KPNA7: variants seen among roughly 807,000 people sequenced by gnomAD.
KPNA7 encodes the protein importin subunit alpha-8.
A neutral mutation model predicts 53.7 loss-of-function variants in KPNA7; 54 were observed. That is an observed-to-expected ratio of 1.01 (90% CI 0.81 to 1.26). The LOEUF (loss-of-function observed/expected upper bound fraction) is 1.26. Among genes scored for constraint, KPNA7 ranks in the 50% most tolerant of loss-of-function variants. The probability of loss-of-function intolerance (pLI) is 0.00; values close to 1 mark genes in which losing one functional copy is unlikely to be tolerated. For missense variants in KPNA7, 640 were observed against 644.5 expected (o/e 0.99, Z 0.07); for synonymous variants, 276 against 259.3 (o/e 1.06, Z -0.62).
downstream of KPNA7, among the ~76,000 whole-genome samples, chr7:99,173,338 T>A (rs1798806722): frequency 6.6e-6 from 1 of 152,028 alleles, no homozygotes. Context: ...ATTACAGGCA[T>A]GCGTCACCAT....
chr7:99,207,598 G>A (rs1790881142), intron 1 of KPNA7, 109 bp from the exon 2 acceptor site: 3 of 282,454 alleles, frequency 1.1e-5, no homozygotes, highest in East Asian at 2.5e-4. Context: ...GCAAAGGGCA[G>A]ACCCAGGAAG....
chr7:99,194,083 C>T lies in KPNA7; in HGVS notation c.554-982G>A, dbSNP rs561355658. ...ATCATACTGTTTCTGCTGACTCAGT[C>T]ACGGGAGTTATTGCTTCTCTGAACT... On this transcript the variant is annotated intron_variant, in intron 5 of 10. Transcript: ENST00000327442. Among the ~76,000 whole-genome samples, 6 of 152,276 alleles carry T rather than the reference C, an allele frequency of 3.9e-5. No homozygotes were observed. The East Asian group carries it at 1.2e-3, about 29-fold the overall frequency.
At chr7:99,214,280 A>C (rs1420968185) in intron 1 of KPNA7, among the ~76,000 whole-genome samples, 3 of 130,284 alleles carry the variant, frequency 2.3e-5, no homozygotes, top group East Asian at 2.1e-4. Context: ...AAAATATACA[A>C]AAAAAAAAAA....
chr7:99,172,532 T>G (rs548719934), downstream of KPNA7, among the ~76,000 whole-genome samples: 4 of 152,252 alleles, frequency 2.6e-5, no homozygotes, highest in Non-Finnish European at 5.9e-5. Flanking sequence ...CTGACCATAG[T>G]AAGACCCCAT....
At chr7:99,156,099 T>C in the KPNA7 span, among the ~76,000 whole-genome samples, 1 of 152,220 alleles carries the variant, frequency 6.6e-6, no homozygotes, top group Non-Finnish European at 1.5e-5. Flanking sequence ...GGTTTCATCA[T>C]TTCTTGTATA....
At chr7:99,207,794 C>A (rs1444646735) in intron 1 of KPNA7, among the ~76,000 whole-genome samples, 3 of 151,604 alleles carry the variant, frequency 2.0e-5, no homozygotes, top group Admixed American at 2.0e-4. Context: ...TGCCACCACG[C>A]CCGGCTAATT....
At chr7:99,167,995 A>T in the KPNA7 span, among the ~76,000 whole-genome samples, 1 of 54,968 alleles carries the variant, frequency 1.8e-5, no homozygotes, top group African/African-American at 6.7e-5. Context: ...CCACCCCCAC[A>T]CCCCTCTATC....
At chr7:99,217,602 C>T (rs977876610) in intron 1 of KPNA7, among the ~76,000 whole-genome samples, 6 of 134,096 alleles carry the variant, frequency 4.5e-5, no homozygotes, top group East Asian at 2.1e-4. Context: ...GGCCCAGGAA[C>T]GGGGACTCCA....
In KPNA7 at chr7:99,173,770, G is replaced by A; in HGVS notation, c.1489C>T (p.Leu497=). The A allele has an allele frequency of 1.3e-6, 2 of 1,551,068 alleles. No homozygotes were observed. Among genetic ancestry groups the A allele is most frequent in the Non-Finnish European group, 1.7e-6 (2 of 1,146,202 alleles). ...GEEEDESQTL[L]SQVIDQDYEF... ...TAATCTTGGTCTATGACTTGGCTCA[G>A]TAAAGTTTGGCTCTCATCTTCTTCC... The change falls in exon 11 of 11, where the codon CTG becomes TTG. Residue 497 remains leucine (L), a synonymous_variant. Transcript: ENST00000327442.
the KPNA7 span, among the ~76,000 whole-genome samples, chr7:99,147,378 G>A: frequency 6.6e-6 from 1 of 152,198 alleles, no homozygotes; most frequent in African/African-American, 2.4e-5. Context: ...GGGCATTATA[G>A]ATAGAAGGAA....
intron 2 of KPNA7, among the ~76,000 whole-genome samples, chr7:99,204,323 G>C (rs574183780): frequency 1.3e-5 from 2 of 151,904 alleles, no homozygotes; most frequent in Non-Finnish European, 2.9e-5. Context: ...AGTGAGCTAC[G>C]ATTGTACCAC....
At chr7:99,219,067 C>T (rs1284281219) in intron 1 of KPNA7, among the ~76,000 whole-genome samples, 3 of 152,240 alleles carry the variant, frequency 2.0e-5, no homozygotes, top group Non-Finnish European at 2.9e-5. Flanking sequence ...TCTACCCCCA[C>T]GCCGATGGTT....
At chr7:99,203,868 A>T (rs912976866) in intron 2 of KPNA7, among the ~76,000 whole-genome samples, 1 of 151,748 alleles carries the variant, frequency 6.6e-6, no homozygotes, top group Non-Finnish European at 1.5e-5. Flanking sequence ...GTGTCACCAC[A>T]CTCGGCTATG....
downstream of KPNA7, among the ~76,000 whole-genome samples, chr7:99,172,416 T>C (rs564002563): frequency 4.6e-5 from 7 of 152,274 alleles, no homozygotes; most frequent in South Asian, 1.5e-3. Context: ...AAAGTCATGG[T>C]TCAAAAATAA....
chr7:99,153,566 G>T, the KPNA7 span, among the ~76,000 whole-genome samples: 1 of 140,114 alleles, frequency 7.1e-6, no homozygotes, highest in Non-Finnish European at 1.6e-5. Context: ...AAAAAAAAAA[G>T]ATCGTTCTTG....
chr7:99,156,430 A>C, the KPNA7 span, among the ~76,000 whole-genome samples: 2 of 152,030 alleles, frequency 1.3e-5, no homozygotes, highest in South Asian at 4.1e-4. Context: ...CTGAAATTTC[A>C]CCGCATTGAA....
the KPNA7 span, among the ~76,000 whole-genome samples, chr7:99,150,605 G>A: frequency 6.6e-6 from 1 of 151,342 alleles, no homozygotes; most frequent in African/African-American, 2.4e-5. Flanking sequence ...TAGTAGAGAT[G>A]GGTTTTCTCC....
intron 10 of KPNA7, 100 bp from the exon 11 acceptor site, chr7:99,173,894 A>G (rs1369983356): frequency 1.4e-6 from 1 of 703,442 alleles, no homozygotes; most frequent in Admixed American, 2.5e-5. Flanking sequence ...GACCCTCTTA[A>G]CCATGTTTAA....
At chr7:99,189,983 G>A (rs1262926685) in intron 6 of KPNA7, among the ~76,000 whole-genome samples, 1 of 152,072 alleles carries the variant, frequency 6.6e-6, no homozygotes, top group East Asian at 1.9e-4. Context: ...CACAGCAGCT[G>A]CTTCTTGGTC....
Sources: gnomAD v4.1 joint callset for allele counts (sites outside exome capture counted in the v4.1 genomes callset) on GRCh38, gnomAD v4.1.1 for gene constraint, MANE v1.5 for transcripts, NCBI Gene and HGNC (gene_info 2026-07-23, HGNC 2026-07-21) for gene names.